AKAP19: variants seen among roughly 807,000 people sequenced by gnomAD.
The protein encoded by AKAP19 is A-kinase anchoring protein 19.
At chr2:189,924,883 A>T in the AKAP19 span, among the ~76,000 whole-genome samples, 4 of 151,880 alleles carry the variant, frequency 2.6e-5, no homozygotes, top group African/African-American at 9.7e-5. Context: ...ACCAGGGGAA[A>T]AAATAAATAA....
the AKAP19 span, among the ~76,000 whole-genome samples, chr2:189,971,821 T>C: frequency 1.1e-5 from 1 of 88,244 alleles, no homozygotes; most frequent in Non-Finnish European, 2.2e-5. Context: ...CACTTTTTGA[T>C]GGGGTTGTTT....
chr2:189,920,737 A>T, the AKAP19 span, among the ~76,000 whole-genome samples: 2 of 152,208 alleles, frequency 1.3e-5, no homozygotes, highest in African/African-American at 4.8e-5. Context: ...AATTTCTAGC[A>T]TACTACAGGA....
chr2:190,015,371 T>C, the AKAP19 span, among the ~76,000 whole-genome samples: 1 of 152,212 alleles, frequency 6.6e-6, no homozygotes, highest in East Asian at 1.9e-4. Context: ...TTATACCCTC[T>C]GAAACAACAG....
chr2:190,161,561 CCTT>C, the AKAP19 span, among the ~76,000 whole-genome samples: 1 of 152,064 alleles, frequency 6.6e-6, no homozygotes, highest in South Asian at 2.1e-4. Flanking sequence ...CACAAAATAT[CCTT>C]CTTTTTTATT....
the AKAP19 span, among the ~76,000 whole-genome samples, chr2:190,108,485 C>G: frequency 3.9e-5 from 6 of 152,258 alleles, no homozygotes; most frequent in South Asian, 1.2e-3. Flanking sequence ...TTGCAAAGAC[C>G]GCAAGCTATT....
chr2:190,062,552 CA>C, the AKAP19 span: 1 of 1,612,950 alleles, frequency 6.2e-7, no homozygotes, highest in Non-Finnish European at 8.5e-7. Flanking sequence ...CAGCAACAAT[CA>C]GCATAAACAG....
the AKAP19 span, chr2:190,202,491 G>C: frequency 1.2e-5 from 2 of 167,076 alleles, no homozygotes; most frequent in African/African-American, 4.8e-5. Flanking sequence ...TACATTACAT[G>C]TGATAGTTAT....
chr2:190,158,008 T>A, the AKAP19 span, among the ~76,000 whole-genome samples: 3 of 152,250 alleles, frequency 2.0e-5, no homozygotes, highest in South Asian at 4.1e-4. Context: ...AATCAACTCA[T>A]GGCTTAGAAA....
the AKAP19 span, among the ~76,000 whole-genome samples, chr2:190,175,830 T>C: frequency 3.3e-5 from 5 of 152,214 alleles, no homozygotes; most frequent in Non-Finnish European, 7.3e-5. Context: ...GAATGTTCCC[T>C]CCAAAATTCA....
chr2:190,014,303 T>TA, the AKAP19 span, among the ~76,000 whole-genome samples: 1 of 152,094 alleles, frequency 6.6e-6, no homozygotes, highest in South Asian at 2.1e-4. Flanking sequence ...TCAGGAAACT[T>TA]ACAATAATGG....
the AKAP19 span, among the ~76,000 whole-genome samples, chr2:190,145,979 C>CT: frequency 6.2e-5 from 9 of 145,952 alleles, no homozygotes; most frequent in African/African-American, 1.0e-4. Flanking sequence ...TTCCATTTTT[C>CT]TTTTTTTTTT....
the AKAP19 span, among the ~76,000 whole-genome samples, chr2:190,148,639 A>G: frequency 2.6e-5 from 4 of 152,070 alleles, no homozygotes; most frequent in Non-Finnish European, 5.9e-5. Flanking sequence ...CTGGTCCTGG[A>G]CGATTTTTGT....
chr2:190,138,205 T>A, the AKAP19 span, among the ~76,000 whole-genome samples: 1 of 152,196 alleles, frequency 6.6e-6, no homozygotes, highest in Non-Finnish European at 1.5e-5. Context: ...TCACTACTGA[T>A]CATGATTTAT....
chr2:190,054,490 G>T, the AKAP19 span, among the ~76,000 whole-genome samples: 1 of 152,092 alleles, frequency 6.6e-6, no homozygotes, highest in East Asian at 1.9e-4. Flanking sequence ...ATTGACAAAT[G>T]GAATCTAATT....
At chr2:190,118,669 C>G in the AKAP19 span, among the ~76,000 whole-genome samples, 13 of 152,144 alleles carry the variant, frequency 8.5e-5, no homozygotes, top group Non-Finnish European at 1.8e-4. Flanking sequence ...ATTCAACAGC[C>G]CTTCATGCTA....
the AKAP19 span, among the ~76,000 whole-genome samples, chr2:189,991,048 G>A: frequency 3.9e-5 from 6 of 152,296 alleles, no homozygotes; most frequent in Admixed American, 6.5e-5. Flanking sequence ...TGGCTGAGTA[G>A]TATTCCATGG....
At chr2:189,916,107 T>G in the AKAP19 span, among the ~76,000 whole-genome samples, 1 of 152,074 alleles carries the variant, frequency 6.6e-6, no homozygotes, top group Admixed American at 6.5e-5. Context: ...AAAATAAAAC[T>G]TTTACTTTGG....
chr2:189,990,594 G>A, the AKAP19 span, among the ~76,000 whole-genome samples: 3 of 152,036 alleles, frequency 2.0e-5, no homozygotes, highest in East Asian at 1.9e-4. Context: ...ATGTCTTTAC[G>A]AGGCTTTGGA....
chr2:190,030,068 G>C, the AKAP19 span, among the ~76,000 whole-genome samples: 4 of 152,008 alleles, frequency 2.6e-5, no homozygotes, highest in Non-Finnish European at 2.9e-5. Context: ...CATCCCAAAG[G>C]GTTCTGAGAT....
Sources: allele counts gnomAD v4.1 joint callset (sites outside exome capture counted in the v4.1 genomes callset), GRCh38; gene constraint gnomAD v4.1.1; transcripts MANE v1.5; gene names NCBI Gene and HGNC (gene_info 2026-07-23, HGNC 2026-07-21).